IARS2: variants seen among roughly 807,000 people sequenced by gnomAD.
IARS2 encodes the protein isoleucyl-tRNA synthetase 2, mitochondrial, also known as isoleucine--tRNA ligase, mitochondrial.
A neutral mutation model predicts 126.3 loss-of-function variants in IARS2; 56 were observed. The ratio of observed to expected loss-of-function variants is 0.44; its 90% CI spans 0.36 to 0.55. The LOEUF (loss-of-function observed/expected upper bound fraction) is 0.55, where lower values mean the gene tolerates loss of function less well. Among genes scored for constraint, IARS2 ranks in the 20% least tolerant of loss-of-function variants. The probability of loss-of-function intolerance (pLI) is 0.00; values close to 1 mark genes in which losing one functional copy is unlikely to be tolerated. For missense variants in IARS2, 1,127 were observed against 1,245.9 expected, an observed-to-expected ratio of 0.90 and a Z score of 1.44; for synonymous variants, 407 against 441.1, an observed-to-expected ratio of 0.92 and a Z score of 0.97.
chr1:220,126,624 T>C, intron 13 of IARS2, 126 bp from the exon 14 acceptor site: 2 of 715,272 alleles, frequency 2.8e-6, no homozygotes, highest in Non-Finnish European at 4.8e-6. Flanking sequence ...AAAAATACTG[T>C]AAATTTCATC....
At chr1:220,136,458 G>T (rs73098527) in intron 15 of IARS2, among the ~76,000 whole-genome samples, 1 of 151,820 alleles carries the variant, frequency 6.6e-6, no homozygotes, top group Non-Finnish European at 1.5e-5. Flanking sequence ...GAAAGGTTTC[G>T]GCCGGGCAGG....
At chr1:220,125,567 G>C (rs1291097265) in intron 13 of IARS2, among the ~76,000 whole-genome samples, 1 of 152,194 alleles carries the variant, frequency 6.6e-6, no homozygotes, top group Non-Finnish European at 1.5e-5. Flanking sequence ...ACTTTGAAAG[G>C]CTGAGGCAGA....
At chr1:220,126,679 T>C (rs1657162051) in intron 13 of IARS2, 71 bp from the exon 14 acceptor site, 1 of 1,073,406 alleles carries the variant, frequency 9.3e-7, no homozygotes. Context: ...CTGAAGACTT[T>C]TGGGGTACAG....
chr1:220,143,021 G>C lies in IARS2; in HGVS notation c.2638G>C (p.Glu880Gln), dbSNP rs996682009. Residue 880 changes from glutamate (E) to glutamine (Q), a missense_variant, in exon 21 of 23, where the codon GAG becomes CAG. Coordinates refer to ENST00000366922, the MANE Select transcript of IARS2 (RefSeq NM_018060.4). The part of the protein sequence containing the change: ...WKKPGLEEAV[E>Q]SACAMRDSFL... ...AAAGCCCGGGTTGGAAGAAGCTGTGGAGAGTGCGTGTGCAATGCGAGACTC... is the reference window on the plus strand; with the variant it reads ...AAAGCCCGGGTTGGAAGAAGCTGTGCAGAGTGCGTGTGCAATGCGAGACTC... 6.2e-7 allele frequency: 1 copy of C among 1,614,056 alleles called. No homozygotes were observed. Among genetic ancestry groups the C allele is most frequent in the African/African-American group, 1.3e-5 (1 of 74,928 alleles).
At chr1:220,121,048 A>T (rs1019643464) in intron 12 of IARS2, among the ~76,000 whole-genome samples, 1 of 152,182 alleles carries the variant, frequency 6.6e-6, no homozygotes, top group African/African-American at 2.4e-5. Flanking sequence ...TTTCTTTTGG[A>T]TACATTGAAC....
At chr1:220,140,569 A>G (rs1040350629) in intron 19 of IARS2, among the ~76,000 whole-genome samples, 4 of 152,152 alleles carry the variant, frequency 2.6e-5, no homozygotes, top group Non-Finnish European at 5.9e-5. Flanking sequence ...ACAGAGCAAG[A>G]TCTCGTCTCA....
intron 16 of IARS2, 27 bp from the exon 17 acceptor site, chr1:220,137,891 T>C: frequency 6.2e-7 from 1 of 1,613,058 alleles, no homozygotes; most frequent in Non-Finnish European, 8.5e-7. Context: ...AGCCATTGTG[T>C]TTATATATTT....
intron 10 of IARS2, among the ~76,000 whole-genome samples, chr1:220,110,271 G>A (rs1388595278): frequency 1.3e-5 from 2 of 152,240 alleles, no homozygotes; most frequent in East Asian, 3.9e-4. Flanking sequence ...TGCAGGCCAG[G>A]CTGGTCTTGA....
At chr1:220,144,648 CTG>C (rs927125234) in intron 21 of IARS2, among the ~76,000 whole-genome samples, 23 of 152,122 alleles carry the variant, frequency 1.5e-4, no homozygotes, top group Admixed American at 8.5e-4. Context: ...TTCCTACATA[CTG>C]TGTTTCCTTT....
At chr1:220,121,332 AC>A (rs1225943160) in intron 12 of IARS2, among the ~76,000 whole-genome samples, 1 of 152,184 alleles carries the variant, frequency 6.6e-6, no homozygotes, top group African/African-American at 2.4e-5. Context: ...TATGTATAAA[AC>A]ACAAAATTAC....
At position 220,094,307 on chromosome 1, in the gene IARS2, C is replaced by G; in HGVS notation, c.91C>G (p.Pro31Ala). 1 of 1,612,466 alleles carries G rather than the reference C, an allele frequency of 6.2e-7. No individual in the cohort carries two copies. Among genetic ancestry groups the G allele is most frequent in the Non-Finnish European group, 8.5e-7 (1 of 1,179,446 alleles). ...LWGTPRLPCS[P>A]GWQGATKRLL... is the part of the protein sequence containing the mutation. ...GGGGACGCCCCGCCTTCCCTGCAGC[C>G]CGGGATGGCAAGGGGCGACGAAGAG... The change falls in exon 1 of 23, where the codon CCG becomes GCG. Residue 31 changes from proline (P) to alanine (A), a missense_variant. By Grantham distance (27) the Pro-to-Ala change is conservative (BLOSUM62 -1). Transcript: ENST00000366922.
In IARS2 at chr1:220,141,890, T is replaced by G. The variant is rs1657499098; in HGVS notation, c.2502T>G (p.Phe834Leu). Residue 834 changes from phenylalanine (F) to leucine (L), a missense_variant, in exon 20 of 23, where the codon TTT becomes TTG. By Grantham distance (22) the Phe-to-Leu change is conservative. Transcript: ENST00000366922. Reference sequence around the variant, plus strand: ...TTTTGGATGTAATAGTTCGTTCTTTTGCTCCCATTCTTCCTCACCTGGCTG... The same window carrying G: ...TTTTGGATGTAATAGTTCGTTCTTTGGCTCCCATTCTTCCTCACCTGGCTG... Reference protein sequence around the residue: ...VEILDVIVRSFAPILPHLAEE... With the variant: ...VEILDVIVRSLAPILPHLAEE... 6.2e-7 allele frequency: 1 copy of G among 1,614,096 alleles called. No homozygotes were observed. The highest frequency in any genetic ancestry group is 8.5e-7 in the Non-Finnish European group (1 of 1,180,042).
At chr1:220,096,724 A>G (rs965314804) in intron 2 of IARS2, among the ~76,000 whole-genome samples, 19 of 152,204 alleles carry the variant, frequency 1.2e-4, no homozygotes, top group African/African-American at 3.4e-4. Flanking sequence ...TTTCAAAACC[A>G]GGAATTTGGT....
intron 2 of IARS2, among the ~76,000 whole-genome samples, chr1:220,097,886 G>C (rs1016294259): frequency 4.6e-5 from 7 of 151,696 alleles, no homozygotes; most frequent in African/African-American, 1.7e-4. Context: ...TGTTGTTGTT[G>C]TTCTTTGAGA....
At chr1:220,110,553 A>G (rs1425334689) in intron 10 of IARS2, among the ~76,000 whole-genome samples, 2 of 151,888 alleles carry the variant, frequency 1.3e-5, no homozygotes, top group Non-Finnish European at 2.9e-5. Context: ...TTTAGTAGAG[A>G]CGAGGTTTCA....
chr1:220,120,624 T>C (rs1209045549), intron 12 of IARS2, among the ~76,000 whole-genome samples: 3 of 151,966 alleles, frequency 2.0e-5, no homozygotes, highest in African/African-American at 7.3e-5. Context: ...GATCCACCTA[T>C]CTCAGCCTTC....
intron 14 of IARS2, among the ~76,000 whole-genome samples, chr1:220,128,948 A>T (rs1208456967): frequency 6.6e-6 from 1 of 150,676 alleles, no homozygotes; most frequent in East Asian, 1.9e-4. Context: ...GTTGCCCAGG[A>T]TGGAGTGCAG....
At chr1:220,114,195 A>T in intron 11 of IARS2, 119 bp from the exon 12 acceptor site, 1 of 807,776 alleles carries the variant, frequency 1.2e-6, no homozygotes, top group Non-Finnish European at 2.1e-6. Flanking sequence ...GGGGAGGGTA[A>T]GGGAGGTATG....
At chr1:220,130,103 A>T (rs568517519) in intron 14 of IARS2, among the ~76,000 whole-genome samples, 1 of 152,126 alleles carries the variant, frequency 6.6e-6, no homozygotes, top group Non-Finnish European at 1.5e-5. Context: ...CACTTCCCTG[A>T]TGATTAGTGA....
Sources: gnomAD v4.1 joint callset for allele counts (sites outside exome capture counted in the v4.1 genomes callset) on GRCh38, gnomAD v4.1.1 for gene constraint, MANE v1.5 for transcripts, NCBI Gene and HGNC (gene_info 2026-07-23, HGNC 2026-07-21) for gene names.